Variants in GALP observed in about 807,000 individuals in gnomAD.
The protein encoded by GALP is galanin like peptide, also known as galanin-like peptide.
Under a neutral mutation model 15.2 loss-of-function variants are expected in GALP, and 12 were observed. The ratio of observed to expected loss-of-function variants is 0.79; its 90% CI spans 0.51 to 1.28. GALP has a LOEUF of 1.28. Ranked by LOEUF, GALP falls within the 50% of genes most tolerant of loss-of-function variation. GALP has a pLI of 0.00. For synonymous variants in GALP, 58 were observed against 55.1 expected (o/e 1.05, Z -0.23); for missense variants, 161 against 145.6 (o/e 1.11, Z -0.55).
chr19:56,185,186 T>C (rs755720966), intron 5 of GALP, 29 bp from the exon 6 acceptor site: 10 of 1,523,164 alleles, frequency 6.6e-6, no homozygotes, highest in Non-Finnish European at 8.2e-6. Flanking sequence ...AGAAAAACCA[T>C]TCAAAGTTTA....
intron 5 of GALP, among the ~76,000 whole-genome samples, chr19:56,183,873 C>G (rs2032610300): frequency 6.6e-6 from 1 of 152,062 alleles, no homozygotes; most frequent in Non-Finnish European, 1.5e-5. Flanking sequence ...GTTGGGATTA[C>G]AGGCGTGAGC....
intron 2 of GALP, among the ~76,000 whole-genome samples, chr19:56,178,688 A>G (rs887359210): frequency 6.6e-6 from 1 of 151,952 alleles, no homozygotes; most frequent in African/African-American, 2.4e-5. Flanking sequence ...TCCTATAGGG[A>G]TGTTCGAGGA....
chr19:56,182,368 G>A lies in GALP; in HGVS notation c.217+116G>A, dbSNP rs2032582107. 3 of 702,130 alleles carry A rather than the reference G, an allele frequency of 4.3e-6. No individual in the cohort carries two copies. The South Asian group carries it at 5.5e-5, about 13-fold the overall frequency. The allele number at this position is 702,130 out of a possible 1,614,324, so 43.5% of individuals were successfully genotyped here. On this transcript the variant is annotated intron_variant, in intron 4 of 5. Coordinates refer to ENST00000357330, the MANE Select transcript of GALP (RefSeq NM_033106.4). ...CCTCACCCTGCCGCTTACTATTTGG[G>A]GGGCCCTGGGCAAGTGATGCGTTTC...
chr19:56,182,340 A>G (rs1599930509), intron 4 of GALP, 88 bp downstream of exon 4: 1 of 923,864 alleles, frequency 1.1e-6, no homozygotes, highest in East Asian at 2.6e-5. Flanking sequence ...TGTGAGCTCC[A>G]GCCCTCACCC....
At chr19:56,179,824 C>T (rs567132062) in intron 2 of GALP, among the ~76,000 whole-genome samples, 7 of 152,086 alleles carry the variant, frequency 4.6e-5, no homozygotes, top group South Asian at 4.2e-4. Context: ...TTTATTGAGA[C>T]GGAGTCTCAC....
chr19:56,176,957 ATT>A, intron 1 of GALP, 111 bp from the exon 2 acceptor site: 1 of 591,620 alleles, frequency 1.7e-6, no homozygotes, highest in Non-Finnish European at 3.0e-6. Context: ...AATGTGCGCC[ATT>A]TTTGTATCTC....
chr19:56,180,007 C>T lies in GALP; in HGVS notation c.88-579C>T, dbSNP rs146042034. Among the ~76,000 whole-genome samples, 697 of 151,960 alleles carry T rather than the reference C, an allele frequency of 4.6e-3. 5 individuals carry two copies. The highest frequency in any genetic ancestry group is 7.3e-3 in the Non-Finnish European group (495 of 67,950). Reference sequence around the variant, plus strand: ...GGCCAGGCTGGTCTTGAACTCCTGACCTCAGGTGATCCGCCCACCTCAGCC... The same window carrying T: ...GGCCAGGCTGGTCTTGAACTCCTGATCTCAGGTGATCCGCCCACCTCAGCC... On this transcript the variant is annotated intron_variant, in intron 2 of 5. Coordinates refer to ENST00000357330, the MANE Select transcript of GALP (RefSeq NM_033106.4).
intron 2 of GALP, among the ~76,000 whole-genome samples, chr19:56,179,474 T>TCA (rs1555786038): frequency 6.7e-6 from 1 of 148,702 alleles, no homozygotes; most frequent in Non-Finnish European, 1.5e-5. Context: ...CGCCCGGCTA[T>TCA]TATATATATA....
At chr19:56,183,981 A>T (rs1341937799) in intron 5 of GALP, among the ~76,000 whole-genome samples, 3 of 148,966 alleles carry the variant, frequency 2.0e-5, no homozygotes, top group Admixed American at 6.7e-5. Flanking sequence ...TTTCTTAAGG[A>T]GTCCCTCTCT....
intron 3 of GALP, 75 bp from the exon 4 acceptor site, chr19:56,182,097 T>A (rs1463583245): frequency 9.4e-7 from 1 of 1,067,132 alleles, no homozygotes; most frequent in Non-Finnish European, 1.5e-6. Context: ...GCCATGCTGT[T>A]GAATTGATGG....
intron 5 of GALP, among the ~76,000 whole-genome samples, chr19:56,184,634 C>T (rs146746923): frequency 0.012 from 1,759 of 152,012 alleles, 30 homozygotes; most frequent in African/African-American, 0.039. Flanking sequence ...CAGGTGCCCA[C>T]CACCACGCCT....
chr19:56,179,488 A>T (rs57449964), intron 2 of GALP, among the ~76,000 whole-genome samples: 41,053 of 149,682 alleles, frequency 0.27, 7,306 homozygotes, highest in African/African-American at 0.5. Flanking sequence ...ATATATATAT[A>T]TTTTGTATTT....
intron 1 of GALP, 80 bp downstream of exon 1, chr19:56,176,142 T>G (rs35943411): frequency 0.5 from 39,031 of 77,662 alleles, 8,256 homozygotes; most frequent in African/African-American, 0.65. Context: ...GGGCACAGGG[T>G]CGGCTGCCAG....
At chr19:56,180,300 A>G (rs1439986749) in intron 2 of GALP, among the ~76,000 whole-genome samples, 1 of 152,156 alleles carries the variant, frequency 6.6e-6, no homozygotes, top group Non-Finnish European at 1.5e-5. Flanking sequence ...CATCCTGCAT[A>G]ACTGAAATTA....
chr19:56,177,238 A>T, intron 2 of GALP, 43 bp downstream of exon 2: 1 of 1,479,840 alleles, frequency 6.8e-7, no homozygotes, highest in Non-Finnish European at 9.4e-7. Context: ...GTGTCCCCAA[A>T]TCCCTGCCCT....
chr19:56,177,526 A>AAGG (rs35981422), intron 2 of GALP, among the ~76,000 whole-genome samples: 2 of 146,530 alleles, frequency 1.4e-5, no homozygotes, highest in Non-Finnish European at 1.5e-5. Context: ...AAAAAAAAAA[A>AAGG]AAGAAGAAAT....
chr19:56,176,244 G>A (rs554402718), intron 1 of GALP, among the ~76,000 whole-genome samples, 182 bp downstream of exon 1: 2 of 145,162 alleles, frequency 1.4e-5, no homozygotes, highest in African/African-American at 2.6e-5. Flanking sequence ...GCACAGGGGC[G>A]GATGCCAGCT....
At chr19:56,183,238 G>A in intron 5 of GALP, 26 bp downstream of exon 5, 2 of 1,552,624 alleles carry the variant, frequency 1.3e-6, no homozygotes, top group South Asian at 1.1e-5. Flanking sequence ...ACAGAAGAGA[G>A]ACACCGACAG....
intron 2 of GALP, among the ~76,000 whole-genome samples, chr19:56,177,713 C>T (rs2032490076): frequency 6.6e-6 from 1 of 152,058 alleles, no homozygotes; most frequent in Non-Finnish European, 1.5e-5. Context: ...GCTGTAGAGG[C>T]TGGGTTGAGT....
Sources: allele counts gnomAD v4.1 joint callset (sites outside exome capture counted in the v4.1 genomes callset), GRCh38; gene constraint gnomAD v4.1.1; transcripts MANE v1.5; gene names NCBI Gene and HGNC (gene_info 2026-07-23, HGNC 2026-07-21).